ATRN: variants seen among roughly 807,000 people sequenced by gnomAD.
ATRN encodes the protein attractin-2.
In ATRN, 54 loss-of-function variants were observed where a neutral mutation model predicts 178.7. The observed-to-expected ratio is 0.30, with a 90% confidence interval of 0.24 to 0.38. The LOEUF is 0.38. ATRN is among the 10% of genes least tolerant of loss of function. ATRN has a pLI of 1.00. For missense variants in ATRN, 1,443 were observed against 1,815.1 expected, an observed-to-expected ratio of 0.79 and a Z score of 3.73; for synonymous variants, 636 against 663.0, an observed-to-expected ratio of 0.96 and a Z score of 0.63.
At chr20:3,472,371 T>C (rs2084443340) in intron 1 of ATRN, among the ~76,000 whole-genome samples, 1 of 152,144 alleles carries the variant, frequency 6.6e-6, no homozygotes, top group Admixed American at 6.5e-5. Flanking sequence ...ATAACCCTAG[T>C]CATAAGGGTT....
At chr20:3,582,834 C>G (rs1479982028) in intron 16 of ATRN, among the ~76,000 whole-genome samples, 1 of 152,060 alleles carries the variant, frequency 6.6e-6, no homozygotes, top group Non-Finnish European at 1.5e-5. Context: ...CAGAAGCAAC[C>G]CAGAACTACG....
intron 1 of ATRN, among the ~76,000 whole-genome samples, chr20:3,512,099 A>ATT: frequency 8.3e-6 from 1 of 120,236 alleles, no homozygotes; most frequent in African/African-American, 3.9e-5. Flanking sequence ...ATATATATAT[A>ATT]TATATATATT....
chr20:3,490,351 T>C, intron 1 of ATRN: 2 of 992,552 alleles, frequency 2.0e-6, no homozygotes. Flanking sequence ...GAAGGTCACA[T>C]TCTCCCATTT....
intron 12 of ATRN, among the ~76,000 whole-genome samples, chr20:3,573,758 TTTTA>T (rs34471940): frequency 0.8 from 119,561 of 149,566 alleles, 48,394 homozygotes; most frequent in East Asian, 1. Flanking sequence ...TTTTATTTTA[TTTTA>T]TTTATTTATT....
chr20:3,536,199 A>G (rs2085530103), intron 2 of ATRN, among the ~76,000 whole-genome samples: 1 of 151,824 alleles, frequency 6.6e-6, no homozygotes, highest in Admixed American at 6.6e-5. Context: ...AAATAAGTTT[A>G]TTTATTATTT....
intron 23 of ATRN, among the ~76,000 whole-genome samples, chr20:3,603,849 A>G (rs1293603978): frequency 6.6e-6 from 1 of 152,098 alleles, no homozygotes; most frequent in East Asian, 1.9e-4. Context: ...TTTAAATCTT[A>G]TCTCCATTTC....
chr20:3,579,398 A>G (rs533301421), intron 15 of ATRN, among the ~76,000 whole-genome samples: 1 of 152,308 alleles, frequency 6.6e-6, no homozygotes, highest in African/African-American at 2.4e-5. Flanking sequence ...AGGCAGGAGA[A>G]TTGCTTGAAC....
intron 18 of ATRN, among the ~76,000 whole-genome samples, chr20:3,588,318 GT>G (rs1236038905): frequency 4.0e-5 from 6 of 151,754 alleles, no homozygotes; most frequent in African/African-American, 9.7e-5. Context: ...TATTTGTTTA[GT>G]TTTTTTTATA....
chr20:3,489,375 C>T (rs1480496939), intron 1 of ATRN, among the ~76,000 whole-genome samples: 1 of 152,164 alleles, frequency 6.6e-6, no homozygotes, highest in Non-Finnish European at 1.5e-5. Context: ...CTCAGCCCTG[C>T]AATCTGCCAG....
At chr20:3,505,589 GAGA>G (rs1247717812) in intron 1 of ATRN, among the ~76,000 whole-genome samples, 1 of 151,862 alleles carries the variant, frequency 6.6e-6, no homozygotes, top group Non-Finnish European at 1.5e-5. Flanking sequence ...AAGGCAAGAA[GAGA>G]AGAACAAAAG....
chr20:3,565,975 T>C lies in ATRN; in HGVS notation c.1871+543T>C, dbSNP rs2086030292. On this transcript the variant is annotated intron_variant, in intron 11 of 28. Coordinates refer to ENST00000262919, the MANE Select transcript of ATRN (RefSeq NM_139321.3). Reference sequence around the variant, plus strand: ...TTACTTTGAATGCCATGTTTATTGATCTGGTTTTGTTAGCACGCAAGAGCA... The same window carrying C: ...TTACTTTGAATGCCATGTTTATTGACCTGGTTTTGTTAGCACGCAAGAGCA... Among the ~76,000 whole-genome samples the C allele has an allele frequency of 2.0e-5, 3 of 152,156 alleles. No individual in the cohort carries two copies. In the South Asian group the frequency reaches 6.2e-4, roughly 32 times the overall value.
intron 6 of ATRN, among the ~76,000 whole-genome samples, chr20:3,550,294 C>T (rs1000111244): frequency 6.6e-6 from 1 of 152,172 alleles, no homozygotes; most frequent in African/African-American, 2.4e-5. Context: ...AGGTGTGAAG[C>T]CTTATTTCTG....
intron 16 of ATRN, among the ~76,000 whole-genome samples, chr20:3,583,407 A>G (rs1047567354): frequency 1.3e-5 from 2 of 152,200 alleles, no homozygotes; most frequent in African/African-American, 4.8e-5. Flanking sequence ...TATTTTTTCC[A>G]CAAGTGTGTA....
At chr20:3,545,050 CT>C (rs1460651150) in intron 3 of ATRN, among the ~76,000 whole-genome samples, 1 of 151,962 alleles carries the variant, frequency 6.6e-6, no homozygotes, top group African/African-American at 2.4e-5. Context: ...TGTTTAGCTT[CT>C]TCGTATTCTT....
intron 1 of ATRN, among the ~76,000 whole-genome samples, chr20:3,513,715 C>A (rs2085167828): frequency 6.6e-6 from 1 of 152,118 alleles, no homozygotes. Flanking sequence ...ATTGATTCTT[C>A]TATCCATGAG....
Position 3,540,274 on chromosome 20 carries a change from T to C in ATRN, c.547T>C (p.Trp183Arg). The change falls in exon 3 of 29, where the codon TGG (tryptophan) becomes CGG (arginine). Residue 183 changes from tryptophan to arginine, a missense_variant. Physicochemically the swap from Trp to Arg is moderately radical, Grantham distance 101. Transcript: ENST00000262919. ...RFNHFATECS[W>R]DHLYVYDGDS... ...CAATCATTTTGCTACAGAGTGTAGT[T>C]GGGACCATTTATATGTTTATGATGG... 2 of 1,611,706 alleles carry C rather than the reference T, an allele frequency of 1.2e-6. No homozygotes were observed. Among genetic ancestry groups the C allele is most frequent in the Non-Finnish European group, 1.7e-6 (2 of 1,178,914 alleles).
chr20:3,526,164 C>T (rs2085361600), intron 1 of ATRN, among the ~76,000 whole-genome samples: 1 of 152,132 alleles, frequency 6.6e-6, no homozygotes, highest in Non-Finnish European at 1.5e-5. Flanking sequence ...TCGTCTCAGC[C>T]CCAAATCTCC....
chr20:3,532,266 A>G (rs550587022), intron 1 of ATRN, among the ~76,000 whole-genome samples: 165 of 152,374 alleles, frequency 1.1e-3, no homozygotes, highest in Non-Finnish European at 2.0e-3. Flanking sequence ...AACCTTTTAT[A>G]TTAGGCCCCA....
At chr20:3,620,850 C>T (rs141304615) in intron 24 of ATRN, among the ~76,000 whole-genome samples, 99 of 152,308 alleles carry the variant, frequency 6.5e-4, no homozygotes, top group African/African-American at 2.3e-3. Flanking sequence ...GGATGTCTGT[C>T]TTTACACAGC....
Sources: allele counts gnomAD v4.1 joint callset (sites outside exome capture counted in the v4.1 genomes callset), GRCh38; gene constraint gnomAD v4.1.1; transcripts MANE v1.5; gene names NCBI Gene and HGNC (gene_info 2026-07-23, HGNC 2026-07-21).